UBE2R2: variants seen among roughly 807,000 people sequenced by gnomAD.
UBE2R2 encodes the protein ubiquitin conjugating enzyme E2 R2.
UBE2R2 carries 1 observed loss-of-function variant against 27.8 expected under a neutral mutation model. That is an observed-to-expected ratio of 0.04 (90% CI 0.01 to 0.17). The LOEUF is 0.17. Among genes scored for constraint, UBE2R2 ranks in the 10% least tolerant of loss-of-function variants. The pLI is 1.00. For missense variants in UBE2R2, 100 were observed against 291.0 expected (o/e 0.34, Z 4.78); for synonymous variants, 106 against 113.3 (o/e 0.94, Z 0.41).
chr9:33,904,513 T>A (rs901552049), intron 3 of UBE2R2, among the ~76,000 whole-genome samples: 12 of 152,216 alleles, frequency 7.9e-5, no homozygotes, highest in Admixed American at 4.6e-4. Context: ...AGACTATTGT[T>A]CAGCACCTCA....
chr9:33,875,716 C>A (rs1821588147), intron 1 of UBE2R2, among the ~76,000 whole-genome samples: 1 of 152,114 alleles, frequency 6.6e-6, no homozygotes, highest in Non-Finnish European at 1.5e-5. Flanking sequence ...ATGAGTTGAC[C>A]TAAGGTCAGA....
intron 1 of UBE2R2, among the ~76,000 whole-genome samples, chr9:33,884,201 T>TCTCTCTCTCTCTCTCTCTCTCTCTC (rs1821799762): frequency 2.9e-5 from 3 of 101,774 alleles, no homozygotes; most frequent in Non-Finnish European, 5.7e-5. Flanking sequence ...CTTAAGAATC[T>TCTCTCTCTCTCTCTCTCTCTCTCTC]CTCTCTCTCT....
chr9:33,836,465 A>G (rs1820616802), intron 1 of UBE2R2, among the ~76,000 whole-genome samples: 1 of 152,078 alleles, frequency 6.6e-6, no homozygotes, highest in South Asian at 2.1e-4. Flanking sequence ...AGTCAATTTT[A>G]GAATATTTTG....
At chr9:33,875,693 T>C (rs1318147533) in intron 1 of UBE2R2, among the ~76,000 whole-genome samples, 7 of 152,178 alleles carry the variant, frequency 4.6e-5, no homozygotes, top group Non-Finnish European at 8.8e-5. Context: ...GAACTTGAAA[T>C]CCAGAGATTT....
At chr9:33,840,618 G>T (rs1332695026) in intron 1 of UBE2R2, among the ~76,000 whole-genome samples, 10 of 152,106 alleles carry the variant, frequency 6.6e-5, no homozygotes, top group Admixed American at 6.6e-4. Context: ...TCATGGGGAG[G>T]CAGAAGTCTG....
At chr9:33,914,671 T>C (rs1341594276) in intron 4 of UBE2R2, among the ~76,000 whole-genome samples, 1 of 151,658 alleles carries the variant, frequency 6.6e-6, no homozygotes, top group African/African-American at 2.4e-5. Context: ...TACCAAAAAA[T>C]ATAAAAGTTA....
At chr9:33,858,810 G>GTTTGT (rs377254347) in intron 1 of UBE2R2, among the ~76,000 whole-genome samples, 14,597 of 151,554 alleles carry the variant, frequency 0.096, 855 homozygotes, top group Non-Finnish European at 0.12. Context: ...TTATGGAGGA[G>GTTTGT]TTTGTTTTGT....
intron 1 of UBE2R2, among the ~76,000 whole-genome samples, chr9:33,861,396 C>T (rs1821233423): frequency 6.6e-6 from 1 of 151,954 alleles, no homozygotes. Context: ...CTCTACAAAC[C>T]CCATCTCTAC....
intron 4 of UBE2R2, among the ~76,000 whole-genome samples, chr9:33,915,061 C>T (rs1301583904): frequency 6.7e-6 from 1 of 150,144 alleles, no homozygotes; most frequent in African/African-American, 2.5e-5. Context: ...GCTCTGGAGC[C>T]AGAGGTTGCA....
At position 33,840,027 on chromosome 9, in the gene UBE2R2, C is replaced by T. The variant is rs563820767; in HGVS notation, c.177+22093C>T. Among the ~76,000 whole-genome samples, 334 of 152,150 alleles carry T rather than the reference C, an allele frequency of 2.2e-3. 1 individual carries two copies. The highest frequency in any genetic ancestry group is 7.4e-3 in the African/African-American group (306 of 41,544). On this transcript the variant is annotated intron_variant, in intron 1 of 4. Transcript: ENST00000263228. The stretch of plus-strand genomic sequence containing the variant: ...AAAAAAAATTCTGTTGTTTATAAGC[C>T]ACCCAGTTTATGACTTTTGGTATAG...
chr9:33,829,923 G>C (rs532038433), intron 1 of UBE2R2, among the ~76,000 whole-genome samples: 2 of 149,294 alleles, frequency 1.3e-5, no homozygotes, highest in South Asian at 2.2e-4. Context: ...TCAGCCTCCC[G>C]AGTAGCAAGG....
chr9:33,836,790 A>G (rs1463938484), intron 1 of UBE2R2, among the ~76,000 whole-genome samples: 2 of 151,596 alleles, frequency 1.3e-5, no homozygotes, highest in Non-Finnish European at 2.9e-5. Flanking sequence ...TATATTCTTG[A>G]GGAAGTGTGC....
At chr9:33,818,538 A>AC (rs1178875653) in intron 1 of UBE2R2, 14 of 142,608 alleles carry the variant, frequency 9.8e-5, no homozygotes, top group Non-Finnish European at 6.4e-5. Flanking sequence ...GTAAAAAAAA[A>AC]AAAAAAAAAA....
chr9:33,827,943 C>T (rs1050925036), intron 1 of UBE2R2, among the ~76,000 whole-genome samples: 5 of 151,220 alleles, frequency 3.3e-5, no homozygotes, highest in Admixed American at 6.6e-5. Context: ...TGCAATCCAG[C>T]CTGGGCGACA....
At chr9:33,859,325 A>G (rs1186342418) in intron 1 of UBE2R2, among the ~76,000 whole-genome samples, 2 of 152,210 alleles carry the variant, frequency 1.3e-5, no homozygotes, top group African/African-American at 2.4e-5. Flanking sequence ...GAAATTTATG[A>G]AAACTAAGCT....
chr9:33,847,034 A>T (rs1191079765), intron 1 of UBE2R2, among the ~76,000 whole-genome samples: 6 of 142,798 alleles, frequency 4.2e-5, no homozygotes, highest in African/African-American at 1.3e-4. Flanking sequence ...TTCTGGATAT[A>T]AAATTATAGG....
intron 1 of UBE2R2, among the ~76,000 whole-genome samples, chr9:33,846,504 C>T (rs889991984): frequency 2.4e-4 from 36 of 151,860 alleles, no homozygotes; most frequent in Admixed American, 1.3e-3. Context: ...GTCCACTTTT[C>T]TCTCTCTCTC....
chr9:33,893,936 T>C (rs1822040424), intron 2 of UBE2R2, among the ~76,000 whole-genome samples: 1 of 152,104 alleles, frequency 6.6e-6, no homozygotes, highest in South Asian at 2.1e-4. Context: ...CAGCTGACTT[T>C]TTCTTCCTTC....
At chr9:33,853,380 C>T (rs1821014939) in intron 1 of UBE2R2, among the ~76,000 whole-genome samples, 1 of 150,280 alleles carries the variant, frequency 6.7e-6, no homozygotes, top group South Asian at 2.1e-4. Flanking sequence ...ACCTCTGCCT[C>T]CCGGGTTCAA....
Sources: gnomAD v4.1 joint callset for allele counts (sites outside exome capture counted in the v4.1 genomes callset) on GRCh38, gnomAD v4.1.1 for gene constraint, MANE v1.5 for transcripts, NCBI Gene and HGNC (gene_info 2026-07-23, HGNC 2026-07-21) for gene names.